GALNT10: variants seen among roughly 807,000 people sequenced by gnomAD.
The protein encoded by GALNT10 is GalNAc transferase 10.
Under a neutral mutation model 75.0 loss-of-function variants are expected in GALNT10, and 41 were observed. That is an observed-to-expected ratio of 0.55 (90% confidence interval 0.43 to 0.71). The LOEUF (loss-of-function observed/expected upper bound fraction) is 0.71. GALNT10 is among the 30% of genes least tolerant of loss of function. GALNT10 has a pLI of 0.00. For missense variants in GALNT10, 727 were observed against 818.5 expected (o/e 0.89, Z 1.36); for synonymous variants, 302 against 313.0 (o/e 0.96, Z 0.37).
At chr5:154,245,000 G>A (rs1043475202) in intron 1 of GALNT10, among the ~76,000 whole-genome samples, 3 of 152,184 alleles carry the variant, frequency 2.0e-5, no homozygotes, top group African/African-American at 7.2e-5. Context: ...TTCTTCCTTG[G>A]AGCTGAAGTC....
At chr5:154,261,317 G>A (rs10039223) in intron 1 of GALNT10, among the ~76,000 whole-genome samples, 99,380 of 151,936 alleles carry the variant, frequency 0.65, 32,865 homozygotes, top group East Asian at 0.86. Flanking sequence ...GTGGAGAAAC[G>A]GAGCTCCAGA....
chr5:154,356,227 C>T (rs1186074855), intron 4 of GALNT10: 1 of 456,084 alleles, frequency 2.2e-6, no homozygotes, highest in East Asian at 6.9e-5. Flanking sequence ...TGGGATGATG[C>T]CAGGATTCCA....
intron 4 of GALNT10, among the ~76,000 whole-genome samples, chr5:154,351,034 C>T (rs1183813829): frequency 6.6e-6 from 1 of 152,190 alleles, no homozygotes; most frequent in African/African-American, 2.4e-5. Context: ...GTAGAAGAAA[C>T]TTTGATGACA....
intron 4 of GALNT10, among the ~76,000 whole-genome samples, chr5:154,336,244 A>G (rs1023010378): frequency 6.6e-6 from 1 of 152,210 alleles, no homozygotes; most frequent in East Asian, 1.9e-4. Context: ...ACTGAAGGAC[A>G]TCTTGGCTGC....
At chr5:154,218,699 G>A (rs931356279) in intron 1 of GALNT10, among the ~76,000 whole-genome samples, 1 of 152,128 alleles carries the variant, frequency 6.6e-6, no homozygotes, top group African/African-American at 2.4e-5. Flanking sequence ...TTCTGAGTCT[G>A]AGAAGCAAGC....
At chr5:154,358,911 A>C (rs1372472764) in intron 4 of GALNT10, among the ~76,000 whole-genome samples, 1 of 152,146 alleles carries the variant, frequency 6.6e-6, no homozygotes, top group Admixed American at 6.5e-5. Flanking sequence ...ACTTGTTTTC[A>C]CAAACCCCTG....
In GALNT10 at chr5:154,420,450, C is replaced by G. The variant is rs1005646591; in HGVS notation, c.*3478C>G. On this transcript the variant is annotated 3_prime_UTR_variant, in exon 12 of 12. Coordinates refer to ENST00000297107, the MANE Select transcript of GALNT10 (RefSeq NM_198321.4). ...AGTAGTAACTGAGGAATCAGAGTCT[C>G]TGCTTCAGCGATATCTAGTTTGTAC... 6.6e-6 allele frequency: 1 copy of G among 152,228 alleles called. No homozygotes were observed. The highest frequency in any genetic ancestry group is 1.9e-4 in the East Asian group (1 of 5,198). The allele number at this position is 152,228 out of a possible 1,614,324, so 9.4% of individuals were successfully genotyped here.
At chr5:154,202,184 C>G (rs1400073533) in intron 1 of GALNT10, among the ~76,000 whole-genome samples, 1 of 152,158 alleles carries the variant, frequency 6.6e-6, no homozygotes, top group Non-Finnish European at 1.5e-5. Flanking sequence ...CAGCTTAGGT[C>G]CCCCCAGAGG....
At chr5:154,224,703 G>A (rs1753033808) in intron 1 of GALNT10, among the ~76,000 whole-genome samples, 1 of 151,508 alleles carries the variant, frequency 6.6e-6, no homozygotes, top group African/African-American at 2.4e-5. Flanking sequence ...ATGTTAATAT[G>A]TGCCAGACAT....
chr5:154,344,450 T>A (rs1336396950), intron 4 of GALNT10, among the ~76,000 whole-genome samples: 1 of 152,100 alleles, frequency 6.6e-6, no homozygotes, highest in Non-Finnish European at 1.5e-5. Context: ...GACCTTGTGA[T>A]CCGCCCACCT....
chr5:154,266,668 A>C (rs1181117462), intron 1 of GALNT10, among the ~76,000 whole-genome samples: 1 of 151,776 alleles, frequency 6.6e-6, no homozygotes, highest in African/African-American at 2.4e-5. Flanking sequence ...TGAGACCAGG[A>C]GTTCAAGATA....
intron 7 of GALNT10, among the ~76,000 whole-genome samples, chr5:154,397,075 C>A (rs536160620): frequency 6.6e-6 from 1 of 150,516 alleles, no homozygotes; most frequent in East Asian, 2.0e-4. Flanking sequence ...TGCAGTGAAC[C>A]GAGATTGTGC....
intron 1 of GALNT10, among the ~76,000 whole-genome samples, chr5:154,239,426 C>G (rs1753297822): frequency 6.6e-6 from 1 of 152,220 alleles, no homozygotes. Flanking sequence ...AAGCTGAGCT[C>G]CGCCTCCTGT....
At chr5:154,272,695 G>A (rs1167019002) in intron 1 of GALNT10, among the ~76,000 whole-genome samples, 3 of 152,176 alleles carry the variant, frequency 2.0e-5, no homozygotes, top group African/African-American at 7.2e-5. Flanking sequence ...AAATAGGAAC[G>A]ATAATAATAG....
At chr5:154,203,874 A>G (rs950907596) in intron 1 of GALNT10, among the ~76,000 whole-genome samples, 4 of 152,140 alleles carry the variant, frequency 2.6e-5, no homozygotes, top group Admixed American at 6.5e-5. Flanking sequence ...TTTAGTCCAG[A>G]GAATATTCCA....
intron 4 of GALNT10, among the ~76,000 whole-genome samples, chr5:154,353,618 A>G (rs1165198381): frequency 1.3e-5 from 2 of 152,214 alleles, no homozygotes; most frequent in Non-Finnish European, 2.9e-5. Flanking sequence ...CTTTAGGGAT[A>G]CCCTGATGAA....
At chr5:154,197,846 G>A (rs956617051) in intron 1 of GALNT10, among the ~76,000 whole-genome samples, 2 of 152,186 alleles carry the variant, frequency 1.3e-5, no homozygotes, top group South Asian at 2.1e-4. Context: ...TCGAAGAGGG[G>A]CAGGTGCTTG....
chr5:154,364,341 A>G (rs539267521), intron 4 of GALNT10, among the ~76,000 whole-genome samples: 1 of 152,260 alleles, frequency 6.6e-6, no homozygotes, highest in East Asian at 1.9e-4. Flanking sequence ...CGGTAGTGTG[A>G]ATGAGATGAG....
Position 154,298,223 on chromosome 5 carries a change from G to A in GALNT10, c.401+144G>A. 1 of 748,844 alleles carries A rather than the reference G, an allele frequency of 1.3e-6. No homozygotes were observed. The highest frequency in any genetic ancestry group is 2.3e-6 in the Non-Finnish European group (1 of 444,122). The allele number at this position is 748,844 out of a possible 1,614,324, so 46.4% of individuals were successfully genotyped here. ...AGGCATTTGTGCAAAGGTTCATGGT[G>A]TTGAGGGGTAGGAGATAATACTGTC... On this transcript the variant is annotated intron_variant, in intron 3 of 11. Transcript: ENST00000297107. The surrounding 1 kb of genome is among the most constrained non-coding windows in gnomAD (Gnocchi z 4.1).
Sources: gnomAD v4.1 joint callset for allele counts (sites outside exome capture counted in the v4.1 genomes callset) on GRCh38, gnomAD v4.1.1 for gene constraint, Gnocchi (gnomAD v3.1) non-coding constraint, MANE v1.5 for transcripts, NCBI Gene and HGNC (gene_info 2026-07-23, HGNC 2026-07-21) for gene names.